The following CADPS2 variants were observed in gnomAD, a reference collection of about 807,000 sequenced individuals.
The protein encoded by CADPS2 is calcium-dependent secretion activator 2.
Under a neutral mutation model 172.5 loss-of-function variants are expected in CADPS2, and 93 were observed. The ratio of observed to expected loss-of-function variants is 0.54; its 90% CI spans 0.46 to 0.64. CADPS2 has a LOEUF of 0.64. Among genes scored for constraint, CADPS2 ranks in the 30% least tolerant of loss-of-function variants. CADPS2 has a pLI of 0.00. For missense variants in CADPS2, 1,420 were observed against 1,565.9 expected, an observed-to-expected ratio of 0.91 and a Z score of 1.57; for synonymous variants, 546 against 555.2, an observed-to-expected ratio of 0.98 and a Z score of 0.23.
rs2058911771 is a variant in CADPS2 at position 122,498,233 on chromosome 7, C to T, written c.1543-6813G>A. Reference sequence around the variant, plus strand: ...AAAGTGCTGAGATTACAGGTGTGAGCCACCATACTCAGCCTATTTGCCTCT... The same window carrying T: ...AAAGTGCTGAGATTACAGGTGTGAGTCACCATACTCAGCCTATTTGCCTCT... On this transcript the variant is annotated intron_variant, in intron 9 of 29. Coordinates refer to ENST00000449022, the MANE Select transcript of CADPS2 (RefSeq NM_017954.11). Among the ~76,000 whole-genome samples the T allele has an allele frequency of 2.0e-5, 3 of 152,152 alleles. No homozygotes were observed. In the South Asian group the frequency reaches 6.2e-4, roughly 32 times the overall value.
In CADPS2 at chr7:122,554,790, C is replaced by A. The variant is rs982038867; in HGVS notation, c.1336-101G>T. 7.8e-6 allele frequency: 8 copies of A among 1,032,082 alleles called. No homozygotes were observed. In the Admixed American group the frequency reaches 1.1e-4, roughly 14 times the overall value. The allele number at this position is 1,032,082 out of a possible 1,614,324, so 63.9% of individuals were successfully genotyped here. On this transcript the variant is annotated intron_variant, in intron 7 of 29. Transcript: ENST00000449022. ...GTTTTCCTGTTTGAAAAAATGATGT[C>A]AACACCCAAATGTATCCAATAAACA... is the stretch of plus-strand genomic sequence containing the variant.
At chr7:122,701,923 G>C (rs777470575) in intron 2 of CADPS2, 1 of 1,613,478 alleles carries the variant, frequency 6.2e-7, no homozygotes, top group Non-Finnish European at 8.5e-7. Context: ...AAAAATGTTT[G>C]CAAGTTAAAA....
At chr7:122,510,321 T>C (rs986029752) in intron 9 of CADPS2, among the ~76,000 whole-genome samples, 2 of 152,168 alleles carry the variant, frequency 1.3e-5, no homozygotes, top group African/African-American at 2.4e-5. Flanking sequence ...TATAACTATA[T>C]TGGCATCAGA....
rs757612869 is a variant in CADPS2 at position 122,393,548 on chromosome 7, C to G, written c.2781G>C (p.Leu927Phe). 6.2e-7 allele frequency: 1 copy of G among 1,613,726 alleles called. No individual in the cohort carries two copies. Among genetic ancestry groups the G allele is most frequent in the Non-Finnish European group, 8.5e-7 (1 of 1,179,812 alleles). ...CAACCAAGGGTACAAAGATTTCTTGCAAGTGTTTGTGAAATTTTCCATTAC... is the reference window on the plus strand; with the variant it reads ...CAACCAAGGGTACAAAGATTTCTTGGAAGTGTTTGTGAAATTTTCCATTAC... ...LLCNGKFHKH[L>F]QEIFVPLVVR... The change falls in exon 21 of 30, where the codon TTG (leucine) becomes TTC (phenylalanine). Residue 927 changes from leucine (L) to phenylalanine (F), a missense_variant. Physicochemically the swap from Leu to Phe is conservative, Grantham distance 22 (BLOSUM62 0). Transcript: ENST00000449022.
intron 9 of CADPS2, among the ~76,000 whole-genome samples, chr7:122,508,384 G>A (rs1367081639): frequency 6.9e-6 from 1 of 145,142 alleles, no homozygotes; most frequent in African/African-American, 2.5e-5. Flanking sequence ...AATGTTCAAA[G>A]AAGGAGGATT....
intron 27 of CADPS2, among the ~76,000 whole-genome samples, chr7:122,351,542 AAAT>A (rs1281257207): frequency 1.3e-5 from 2 of 152,068 alleles, no homozygotes; most frequent in African/African-American, 4.8e-5. Flanking sequence ...TCTGAATTAA[AAAT>A]AATGACACTC....
intron 1 of CADPS2, among the ~76,000 whole-genome samples, chr7:122,781,914 A>G (rs1792838018): frequency 6.6e-6 from 1 of 152,134 alleles, no homozygotes. Context: ...CTGTCTATTT[A>G]TTTTGGGTGT....
At chr7:122,410,733 A>C (rs1241079614) in intron 19 of CADPS2, among the ~76,000 whole-genome samples, 1 of 151,790 alleles carries the variant, frequency 6.6e-6, no homozygotes, top group Non-Finnish European at 1.5e-5. Context: ...ATATGTGTTG[A>C]CTACCGCAAT....
intron 1 of CADPS2, among the ~76,000 whole-genome samples, chr7:122,813,060 C>T (rs1466588087): frequency 6.6e-6 from 1 of 151,990 alleles, no homozygotes; most frequent in African/African-American, 2.4e-5. Context: ...GGACTGAGGC[C>T]CTATCACTTT....
At chr7:122,396,458 G>A (rs1356907903) in intron 20 of CADPS2, among the ~76,000 whole-genome samples, 1 of 152,114 alleles carries the variant, frequency 6.6e-6, no homozygotes, top group Non-Finnish European at 1.5e-5. Context: ...CATAAGCAGA[G>A]GGGCTTGCTG....
At chr7:122,437,782 T>A (rs1225982696) in intron 17 of CADPS2, among the ~76,000 whole-genome samples, 1 of 149,964 alleles carries the variant, frequency 6.7e-6, no homozygotes, top group Non-Finnish European at 1.5e-5. Flanking sequence ...AAAATTAGTA[T>A]CCTTAATGAA....
chr7:122,845,676 C>G (rs981640988), intron 1 of CADPS2, among the ~76,000 whole-genome samples: 4 of 152,160 alleles, frequency 2.6e-5, no homozygotes, highest in Non-Finnish European at 5.9e-5. Flanking sequence ...CAGCCTAGAG[C>G]AGGTTCACAT....
intron 9 of CADPS2, among the ~76,000 whole-genome samples, chr7:122,495,455 T>C (rs1232560291): frequency 1.3e-5 from 2 of 152,224 alleles, no homozygotes; most frequent in Non-Finnish European, 2.9e-5. Context: ...ATCATACATA[T>C]TATTCTGCAA....
intron 25 of CADPS2, among the ~76,000 whole-genome samples, chr7:122,364,568 T>C (rs1457505367): frequency 6.6e-6 from 1 of 151,262 alleles, no homozygotes; most frequent in Non-Finnish European, 1.5e-5. Flanking sequence ...CTACTAAAAA[T>C]ACAAAAAAGT....
At chr7:122,727,292 C>T (rs1403706531) in intron 2 of CADPS2, among the ~76,000 whole-genome samples, 1 of 151,798 alleles carries the variant, frequency 6.6e-6, no homozygotes, top group Non-Finnish European at 1.5e-5. Context: ...CTAAACTGAG[C>T]AGCCTTTCCT....
chr7:122,702,095 T>A, intron 2 of CADPS2: 1 of 1,613,596 alleles, frequency 6.2e-7, no homozygotes, highest in Non-Finnish European at 8.5e-7. Context: ...GGTGAAAGAA[T>A]TGGGCACTCT....
chr7:122,567,719 G>A lies in CADPS2; in HGVS notation c.1336-13030C>T, dbSNP rs529816608. Among the ~76,000 whole-genome samples, 42 of 152,060 alleles carry A rather than the reference G, an allele frequency of 2.8e-4. 1 individual carries two copies. Among genetic ancestry groups the A allele is most frequent in the Non-Finnish European group, 3.7e-4 (25 of 68,000 alleles). On this transcript the variant is annotated intron_variant, in intron 7 of 29. Coordinates refer to ENST00000449022, the MANE Select transcript of CADPS2 (RefSeq NM_017954.11). ...AAGAACTAGAGGTATAATATTGTAA[G>A]GTTCTTAAATATACATTAAATGTTA...
chr7:122,343,799 A>T (rs1050664783), intron 28 of CADPS2, among the ~76,000 whole-genome samples: 3 of 152,220 alleles, frequency 2.0e-5, no homozygotes, highest in African/African-American at 4.8e-5. Flanking sequence ...ACATTAGCAG[A>T]AAAAGTAAAA....
intron 14 of CADPS2, among the ~76,000 whole-genome samples, chr7:122,464,404 C>A (rs1386663680): frequency 6.6e-6 from 1 of 152,148 alleles, no homozygotes; most frequent in African/African-American, 2.4e-5. Context: ...GACATATATT[C>A]CTTACAGAAG....
Sources: allele counts gnomAD v4.1 joint callset (sites outside exome capture counted in the v4.1 genomes callset), GRCh38; gene constraint gnomAD v4.1.1; transcripts MANE v1.5; gene names NCBI Gene and HGNC (gene_info 2026-07-23, HGNC 2026-07-21).